FAM47E: variants seen among roughly 807,000 people sequenced by gnomAD.
FAM47E encodes the protein protein FAM47E.
A neutral mutation model predicts 41.6 loss-of-function variants in FAM47E; 32 were observed. The observed-to-expected ratio is 0.77, with a 90% CI of 0.58 to 1.03. The LOEUF (loss-of-function observed/expected upper bound fraction) is 1.03. Among genes scored for constraint, FAM47E ranks in the 50% least tolerant of loss-of-function variants. FAM47E has a pLI of 0.00. For synonymous variants in FAM47E, 184 were observed against 188.7 expected (o/e 0.98, Z 0.20); for missense variants, 424 against 485.4 (o/e 0.87, Z 1.19).
intron 2 of FAM47E, among the ~76,000 whole-genome samples, chr4:76,240,711 T>C (rs1317742174): frequency 1.3e-5 from 2 of 152,206 alleles, no homozygotes; most frequent in Admixed American, 1.3e-4. Context: ...TATTGTACTT[T>C]TTAGTTCCAG....
At chr4:76,216,599 GA>G (rs1733211810) in intron 1 of FAM47E, among the ~76,000 whole-genome samples, 1 of 152,324 alleles carries the variant, frequency 6.6e-6, no homozygotes, top group East Asian at 1.9e-4. Flanking sequence ...AGACAAATTT[GA>G]TAAATGTATC....
chr4:76,249,485 T>C (rs181862986), upstream of FAM47E, among the ~76,000 whole-genome samples: 39 of 152,272 alleles, frequency 2.6e-4, 1 homozygote, highest in Non-Finnish European at 7.4e-5. Flanking sequence ...TGTAGTCAGC[T>C]TTTTCTTCTT....
At chr4:76,263,600 T>C in intron 2 of FAM47E, 104 bp from the exon 3 acceptor site, 1 of 1,418,288 alleles carries the variant, frequency 7.1e-7, no homozygotes, top group South Asian at 1.4e-5. Context: ...ACTGATGGAC[T>C]GAAAAGGAAA....
chr4:76,253,016 AC>A (rs771306018), intron 1 of FAM47E, among the ~76,000 whole-genome samples: 7 of 152,166 alleles, frequency 4.6e-5, no homozygotes, highest in Non-Finnish European at 8.8e-5. Context: ...TCTTAGTATT[AC>A]CCCTTTGCTG....
chr4:76,271,237 G>A (rs1370712280), intron 4 of FAM47E, among the ~76,000 whole-genome samples: 1 of 151,810 alleles, frequency 6.6e-6, no homozygotes, highest in Non-Finnish European at 1.5e-5. Context: ...AGAGTTATTG[G>A]CAGAGAAAAC....
chr4:76,245,401 T>A (rs1210880894), intron 2 of FAM47E, among the ~76,000 whole-genome samples: 1 of 151,826 alleles, frequency 6.6e-6, no homozygotes. Context: ...AGAGTTTGAG[T>A]CATGTGACAA....
chr4:76,218,930 C>T (rs2109978449), intron 2 of FAM47E, among the ~76,000 whole-genome samples: 1 of 152,308 alleles, frequency 6.6e-6, no homozygotes, highest in East Asian at 1.9e-4. Flanking sequence ...TCATTTACTC[C>T]TTACAATGCC....
At position 76,221,044 on chromosome 4, in the gene FAM47E, C is replaced by T. The variant is rs575973010; in HGVS notation, c.81+3356C>T. 3.3e-5 allele frequency among the ~76,000 whole-genome samples: 5 copies of T among 152,312 alleles called. No individual in the cohort carries two copies. The East Asian group carries it at 9.6e-4, about 29-fold the overall frequency. On this transcript the variant is annotated intron_variant, in intron 2 of 7. Transcript: ENST00000510197. ...GTCCCTCACTGATTCCTAATCAACT[C>T]CTGTAAAGAGTCAGCTCCCTAAGTC...
At position 76,251,840 on chromosome 4, in the gene FAM47E, G is replaced by A; in HGVS notation, c.74+20G>A. ...GTCCAGGTAAACACTCAGCGCCCGG[G>A]CCGAGGGCGCATCCCACGCGGGCCG... On this transcript the variant is annotated intron_variant, in intron 1 of 7. Coordinates refer to ENST00000424749, the MANE Select transcript of FAM47E (RefSeq NM_001136570.3). 1.4e-6 allele frequency: 2 copies of A among 1,407,956 alleles called. No individual in the cohort carries two copies. Among genetic ancestry groups the A allele is most frequent in the South Asian group, 3.0e-5 (2 of 66,806 alleles). The allele number at this position is 1,407,956 out of a possible 1,614,324, so 87.2% of individuals were successfully genotyped here.
At chr4:76,273,891 C>A (rs575998663) in intron 5 of FAM47E, among the ~76,000 whole-genome samples, 1 of 151,496 alleles carries the variant, frequency 6.6e-6, no homozygotes, top group South Asian at 2.1e-4. Context: ...TTCTGTTAAT[C>A]CCATCTAGTA....
At chr4:76,230,059 G>C (rs566592494) in intron 2 of FAM47E, among the ~76,000 whole-genome samples, 2 of 152,234 alleles carry the variant, frequency 1.3e-5, no homozygotes, top group African/African-American at 4.8e-5. Flanking sequence ...ATGTATTTGG[G>C]TTTCTCAGGT....
At chr4:76,261,986 C>G (rs1285032456) in intron 2 of FAM47E, among the ~76,000 whole-genome samples, 1 of 152,032 alleles carries the variant, frequency 6.6e-6, no homozygotes, top group Non-Finnish European at 1.5e-5. Context: ...ATATTACTGA[C>G]TGGTTCAAAA....
At chr4:76,278,341 C>G (rs1312523952) in intron 6 of FAM47E, 117 bp downstream of exon 6, 1 of 1,127,456 alleles carries the variant, frequency 8.9e-7, no homozygotes, top group African/African-American at 1.6e-5. Flanking sequence ...AAGCCCTCCA[C>G]CTTGCATATT....
At chr4:76,246,713 C>T (rs1207218241) in intron 2 of FAM47E, among the ~76,000 whole-genome samples, 1 of 152,038 alleles carries the variant, frequency 6.6e-6, no homozygotes, top group Non-Finnish European at 1.5e-5. Flanking sequence ...CAAGTAACCA[C>T]AATTCTGACA....
In FAM47E at chr4:76,231,717, G is replaced by C. The variant is rs561555027; in HGVS notation, c.81+14029G>C. Among the ~76,000 whole-genome samples, 6 of 152,320 alleles carry C rather than the reference G, an allele frequency of 3.9e-5. No individual in the cohort carries two copies. The South Asian group carries it at 1.2e-3, about 32-fold the overall frequency. On this transcript the variant is annotated intron_variant, in intron 2 of 7. Coordinates refer to the FAM47E transcript ENST00000510197. ...ATAAGACCTTTTAAAGCTGAGCCCAGGCATGGGTTTATCCTCAAATACCTG... is the reference window on the plus strand; with the variant it reads ...ATAAGACCTTTTAAAGCTGAGCCCACGCATGGGTTTATCCTCAAATACCTG...
In FAM47E at chr4:76,256,279, G is replaced by A; in HGVS notation, c.176G>A (p.Cys59Tyr). 1.3e-6 allele frequency: 2 copies of A among 1,551,716 alleles called. No homozygotes were observed. The highest frequency in any genetic ancestry group is 1.2e-5 in the South Asian group (1 of 84,064). The change falls in exon 2 of 8, where the codon TGC becomes TAC. Residue 59 changes from cysteine to tyrosine, a missense_variant. Transcript: ENST00000424749. ...RKGLDDFRKG[C>Y]PPCTGLVTQV... ...GGGCTGGACGACTTCAGGAAGGGCT[G>A]CCCGCCTTGCACTGGTCTGGTGACT... is the stretch of plus-strand genomic sequence containing the variant.
chr4:76,228,219 T>C (rs1383783595), intron 2 of FAM47E, among the ~76,000 whole-genome samples: 1 of 152,142 alleles, frequency 6.6e-6, no homozygotes, highest in Non-Finnish European at 1.5e-5. Flanking sequence ...GGCTCACACC[T>C]GTAATCCCAG....
At chr4:76,244,533 C>CTTTTTTTTTT (rs71212407) in intron 2 of FAM47E, among the ~76,000 whole-genome samples, 5 of 66,080 alleles carry the variant, frequency 7.6e-5, no homozygotes, top group African/African-American at 1.3e-4. Context: ...AGGCATTCTT[C>CTTTTTTTTTT]TTTTTTTTTT....
intron 5 of FAM47E, among the ~76,000 whole-genome samples, chr4:76,276,326 A>G (rs1434416944): frequency 1.5e-5 from 2 of 132,448 alleles, no homozygotes; most frequent in Non-Finnish European, 3.5e-5. Context: ...AAGCAGAGAA[A>G]GAAGGCAAAG....
Sources: gnomAD v4.1 joint callset for allele counts (sites outside exome capture counted in the v4.1 genomes callset) on GRCh38, gnomAD v4.1.1 for gene constraint, MANE v1.5 for transcripts, NCBI Gene and HGNC (gene_info 2026-07-23, HGNC 2026-07-21) for gene names.